The following UBASH3B variants were observed in gnomAD, a reference collection of about 807,000 sequenced individuals.
The protein encoded by UBASH3B is ubiquitin-associated and SH3 domain-containing protein B.
Under a neutral mutation model 83.4 loss-of-function variants are expected in UBASH3B, and 37 were observed. The observed-to-expected ratio is 0.44, with a 90% CI of 0.34 to 0.58. The LOEUF is 0.58. Among genes scored for constraint, UBASH3B ranks in the 20% least tolerant of loss-of-function variants. The pLI is 0.01. For missense variants in UBASH3B, 657 were observed against 827.2 expected (o/e 0.79, Z 2.52); for synonymous variants, 304 against 318.3 (o/e 0.96, Z 0.48).
At position 122,690,214 on chromosome 11, in the gene UBASH3B, T is replaced by TATATA. The variant is rs1863873410; in HGVS notation, c.161+34004_161+34005insATATA. Among the ~76,000 whole-genome samples, 12 of 52,628 alleles carry TATATA rather than the reference T, an allele frequency of 2.3e-4. 1 individual carries two copies. The highest frequency in any genetic ancestry group is 6.6e-4 in the East Asian group (1 of 1,512). 34.5% of individuals were successfully genotyped at this position (52,628 alleles called of 152,430 possible). On this transcript the variant is annotated intron_variant, in intron 1 of 13. Transcript: ENST00000284273. ...TATATATATATATATATATATCCAA[T>TATATA]TATATATATATATATCCAATTTTAT...
chr11:122,740,775 T>G (rs1861011394), intron 1 of UBASH3B, among the ~76,000 whole-genome samples: 1 of 152,128 alleles, frequency 6.6e-6, no homozygotes, highest in South Asian at 2.1e-4. Flanking sequence ...GAGGCCAGCT[T>G]TGAGATACTG....
At chr11:122,748,392 G>C (rs1484293032) in intron 1 of UBASH3B, among the ~76,000 whole-genome samples, 1 of 152,156 alleles carries the variant, frequency 6.6e-6, no homozygotes. Flanking sequence ...CATACCTCCA[G>C]TCTGGTTTCA....
chr11:122,729,646 A>G (rs1051031150), intron 1 of UBASH3B, among the ~76,000 whole-genome samples: 1 of 151,942 alleles, frequency 6.6e-6, no homozygotes. Context: ...GTAAAATGAT[A>G]TAATACCTGG....
At chr11:122,695,515 G>A (rs1863955190) in intron 1 of UBASH3B, among the ~76,000 whole-genome samples, 1 of 152,214 alleles carries the variant, frequency 6.6e-6, no homozygotes, top group South Asian at 2.1e-4. Context: ...ATATCTCCTT[G>A]AGTGGTGAAT....
intron 1 of UBASH3B, among the ~76,000 whole-genome samples, chr11:122,717,225 CTCT>C (rs371493139): frequency 4.5e-4 from 68 of 152,318 alleles, no homozygotes; most frequent in African/African-American, 1.6e-3. Flanking sequence ...TGGAGATTCT[CTCT>C]TCTTCTCCCA....
At chr11:122,807,090 A>G (rs947605427) in intron 12 of UBASH3B, among the ~76,000 whole-genome samples, 32 of 152,220 alleles carry the variant, frequency 2.1e-4, no homozygotes, top group African/African-American at 7.7e-4. Flanking sequence ...ATATTCAAAC[A>G]GTAGGCAGCC....
At chr11:122,725,870 C>G (rs7948243) in intron 1 of UBASH3B, among the ~76,000 whole-genome samples, 130,680 of 151,890 alleles carry the variant, frequency 0.86, 56,322 homozygotes, top group Middle Eastern at 0.93. Context: ...TTTTTTCTAT[C>G]TTTAGTAGAG....
intron 1 of UBASH3B, among the ~76,000 whole-genome samples, chr11:122,657,308 T>C (rs1042983707): frequency 1.5e-4 from 23 of 152,174 alleles, no homozygotes; most frequent in Admixed American, 1.5e-3. Flanking sequence ...TATGTATTTA[T>C]TTTTCTGAGA....
intron 1 of UBASH3B, among the ~76,000 whole-genome samples, chr11:122,707,538 TTTA>T (rs150255136): frequency 1.7e-3 from 258 of 152,260 alleles, no homozygotes; most frequent in African/African-American, 5.9e-3. Flanking sequence ...AGCTTATCTT[TTTA>T]TTTTTTATTT....
intron 1 of UBASH3B, among the ~76,000 whole-genome samples, 172 bp downstream of exon 1, chr11:122,656,382 C>CG (rs1863363862): frequency 6.6e-6 from 1 of 152,036 alleles, no homozygotes; most frequent in African/African-American, 2.4e-5. Flanking sequence ...CGGCTCCGGG[C>CG]GGGGGTGCGG....
intron 1 of UBASH3B, among the ~76,000 whole-genome samples, chr11:122,674,951 A>T (rs575267196): frequency 3.3e-5 from 5 of 150,650 alleles, no homozygotes; most frequent in Admixed American, 2.6e-4. Context: ...CTGGTCTCGA[A>T]CTCCTCACCT....
chr11:122,805,332 C>T (rs1861320468), intron 11 of UBASH3B, among the ~76,000 whole-genome samples: 1 of 152,134 alleles, frequency 6.6e-6, no homozygotes, highest in African/African-American at 2.4e-5. Flanking sequence ...GAGTTCAAGA[C>T]CAGCCTGGCC....
chr11:122,724,053 A>T (rs1429160604), intron 1 of UBASH3B, among the ~76,000 whole-genome samples: 1 of 152,216 alleles, frequency 6.6e-6, no homozygotes, highest in African/African-American at 2.4e-5. Context: ...GGATTTTAGA[A>T]ATTGGAACCT....
rs118088715 is a variant in UBASH3B at position 122,736,569 on chromosome 11, A to G, written c.162-39650A>G. On this transcript the variant is annotated intron_variant, in intron 1 of 13. Transcript: ENST00000284273. ...GAGTTTATGTAGAAGGTGGGGCTTTAGCGACGCTCTTCATTCTTACTGAGC... is the reference window on the plus strand; with the variant it reads ...GAGTTTATGTAGAAGGTGGGGCTTTGGCGACGCTCTTCATTCTTACTGAGC... Among the ~76,000 whole-genome samples, 75 of 150,662 alleles carry G rather than the reference A, an allele frequency of 5.0e-4. No homozygotes were observed. The East Asian group carries it at 7.5e-3, about 15-fold the overall frequency.
At chr11:122,665,037 T>C (rs1863497531) in intron 1 of UBASH3B, among the ~76,000 whole-genome samples, 2 of 151,988 alleles carry the variant, frequency 1.3e-5, no homozygotes, top group Admixed American at 1.3e-4. Context: ...GCCTCCCAAG[T>C]AGCTGGGACT....
intron 1 of UBASH3B, among the ~76,000 whole-genome samples, chr11:122,680,964 G>A (rs760999584): frequency 2.6e-5 from 4 of 152,158 alleles, no homozygotes; most frequent in Non-Finnish European, 4.4e-5. Flanking sequence ...GCCGGTCCCA[G>A]GGCAATGTGT....
At chr11:122,803,112 C>A (rs917814556) in intron 11 of UBASH3B, among the ~76,000 whole-genome samples, 4 of 152,152 alleles carry the variant, frequency 2.6e-5, no homozygotes, top group Non-Finnish European at 5.9e-5. Flanking sequence ...AGTCCTTATT[C>A]CAGATTGCCT....
intron 1 of UBASH3B, among the ~76,000 whole-genome samples, chr11:122,691,337 G>A (rs7129189): frequency 0.34 from 51,993 of 152,080 alleles, 10,147 homozygotes; most frequent in East Asian, 0.67. Context: ...GGCTTTTGTA[G>A]GTTAAAGTCA....
chr11:122,661,676 A>C lies in UBASH3B; in HGVS notation c.161+5466A>C, dbSNP rs929766252. Reference sequence around the variant, plus strand: ...TGCTCTTATGTGTATTAGATACCCCACAGCAGTCTTGTGAGGTAAAGCACA... The same window carrying C: ...TGCTCTTATGTGTATTAGATACCCCCCAGCAGTCTTGTGAGGTAAAGCACA... On this transcript the variant is annotated intron_variant, in intron 1 of 13. Transcript: ENST00000284273. Among the ~76,000 whole-genome samples the C allele has an allele frequency of 3.9e-5, 6 of 152,184 alleles. No homozygotes were observed. In the East Asian group the frequency reaches 9.6e-4, roughly 24 times the overall value.
Sources: gnomAD v4.1 joint callset for allele counts (sites outside exome capture counted in the v4.1 genomes callset) on GRCh38, gnomAD v4.1.1 for gene constraint, MANE v1.5 for transcripts, NCBI Gene and HGNC (gene_info 2026-07-23, HGNC 2026-07-21) for gene names.